ITGA9: variants seen among roughly 807,000 people sequenced by gnomAD.
The protein encoded by ITGA9 is integrin subunit alpha 9, also known as integrin alpha-9.
A neutral mutation model predicts 127.8 loss-of-function variants in ITGA9; 56 were observed. The ratio of observed to expected loss-of-function variants is 0.44; its 90% confidence interval spans 0.35 to 0.55. The LOEUF is 0.55. ITGA9 is among the 20% of genes least tolerant of loss of function. ITGA9 has a pLI of 0.00. For synonymous variants in ITGA9, 508 were observed against 514.5 expected (o/e 0.99, Z 0.17); for missense variants, 1,196 against 1,347.1 (o/e 0.89, Z 1.76).
intron 15 of ITGA9, among the ~76,000 whole-genome samples, chr3:37,569,359 A>G (rs1054809096): frequency 9.2e-5 from 14 of 152,218 alleles, no homozygotes; most frequent in African/African-American, 3.1e-4. Context: ...GGAAGCTACA[A>G]TTCAAGATGA....
intron 23 of ITGA9, 112 bp downstream of exon 23, chr3:37,750,681 A>C: frequency 1.3e-6 from 1 of 794,550 alleles, no homozygotes; most frequent in Non-Finnish European, 2.2e-6. Context: ...AATTCAACTC[A>C]TTCTACCCTT....
rs952075151 is a variant in ITGA9, at chr3:37,452,826, G to C, written c.185+267G>C. 1.3e-5 allele frequency among the ~76,000 whole-genome samples: 2 copies of C among 152,136 alleles called. No homozygotes were observed. The highest frequency in any genetic ancestry group is 2.9e-5 in the Non-Finnish European group (2 of 68,006). On this transcript the variant is annotated intron_variant, in intron 1 of 27. Coordinates refer to ENST00000264741, the MANE Select transcript of ITGA9 (RefSeq NM_002207.3). This position sits in a 1 kb window ranked among gnomAD's most constrained non-coding sequence, Gnocchi z 7.3. Reference sequence around the variant, plus strand: ...GGGGTCCCAGCCCAGAGCGTGGGGGGAGAGCCGCTAGAGTTGTCTCCTCCG... The same window carrying C: ...GGGGTCCCAGCCCAGAGCGTGGGGGCAGAGCCGCTAGAGTTGTCTCCTCCG...
chr3:37,582,514 A>G (rs1262381600), intron 15 of ITGA9, among the ~76,000 whole-genome samples: 2 of 152,224 alleles, frequency 1.3e-5, no homozygotes, highest in Admixed American at 6.5e-5. Flanking sequence ...CCTCTTAAGA[A>G]AAGGAAGGAG....
intron 18 of ITGA9, among the ~76,000 whole-genome samples, chr3:37,706,246 C>T (rs967237124): frequency 6.6e-6 from 1 of 152,106 alleles, no homozygotes; most frequent in Non-Finnish European, 1.5e-5. Context: ...ATCAATATGC[C>T]CTCTCTCTAT....
chr3:37,772,829 G>A (rs988125912), intron 23 of ITGA9, among the ~76,000 whole-genome samples: 7 of 152,114 alleles, frequency 4.6e-5, no homozygotes, highest in African/African-American at 1.2e-4. Flanking sequence ...TTCATTCACC[G>A]CAGACTCAGT....
At chr3:37,655,860 TA>T (rs992610758) in intron 17 of ITGA9, among the ~76,000 whole-genome samples, 3 of 152,232 alleles carry the variant, frequency 2.0e-5, no homozygotes, top group African/African-American at 7.2e-5. Flanking sequence ...CATCTTGAGT[TA>T]ATTTTTGTAT....
chr3:37,748,302 C>T, intron 22 of ITGA9: 1 of 540,156 alleles, frequency 1.9e-6, no homozygotes, highest in South Asian at 1.5e-5. Context: ...CTGAAAGAGT[C>T]TACGGTGTTA....
chr3:37,596,073 C>A (rs891634359), intron 15 of ITGA9, among the ~76,000 whole-genome samples: 1 of 152,202 alleles, frequency 6.6e-6, no homozygotes, highest in African/African-American at 2.4e-5. Flanking sequence ...GAAAGTTCCA[C>A]TAAAAATCAA....
intron 15 of ITGA9, among the ~76,000 whole-genome samples, chr3:37,624,849 C>G (rs182641082): frequency 6.6e-6 from 1 of 152,278 alleles, no homozygotes; most frequent in East Asian, 1.9e-4. Context: ...TCAGGTCATC[C>G]GCCTTCCTCA....
intron 18 of ITGA9, among the ~76,000 whole-genome samples, chr3:37,725,314 G>A (rs1293261325): frequency 1.3e-5 from 2 of 152,156 alleles, no homozygotes; most frequent in African/African-American, 4.8e-5. Context: ...GTATCATCAG[G>A]GCCTGAGCAA....
chr3:37,561,632 C>G (rs1699489166), intron 15 of ITGA9, among the ~76,000 whole-genome samples: 1 of 152,226 alleles, frequency 6.6e-6, no homozygotes, highest in African/African-American at 2.4e-5. Flanking sequence ...ATCTTTCCAG[C>G]ATTTCAGAAA....
At position 37,452,440 on chromosome 3, in the gene ITGA9, C is replaced by T. The variant is rs1360744994; in HGVS notation, c.66C>T (p.Val22=). The stretch of plus-strand genomic sequence containing the variant: ...GCGCGCTGCTGCTGGCGCTGGTGGT[C>T]GCGGGGATCCCCGCGGGCGCCTACA... ...RLRALLLALV[V]AGIPAGAYNL... is the part of the protein sequence containing the mutation. The change falls in exon 1 of 28, where the codon GTC becomes GTT. Residue 22 remains valine, a synonymous_variant. Coordinates refer to ENST00000264741, the MANE Select transcript of ITGA9 (RefSeq NM_002207.3). The surrounding 1 kb of genome is among the most constrained non-coding windows in gnomAD (Gnocchi z 7.3). The T allele has an allele frequency of 6.8e-6, 10 of 1,473,234 alleles. No homozygotes were observed. Among genetic ancestry groups the T allele is most frequent in the Non-Finnish European group, 9.0e-6 (10 of 1,110,830 alleles). 91.3% of individuals were successfully genotyped at this position (1,473,234 alleles called of 1,614,324 possible).
At chr3:37,709,487 G>T (rs1180203058) in intron 18 of ITGA9, among the ~76,000 whole-genome samples, 2 of 152,200 alleles carry the variant, frequency 1.3e-5, no homozygotes, top group Non-Finnish European at 2.9e-5. Context: ...AAAAATGGGG[G>T]ACTAAATAGG....
At chr3:37,685,425 A>G (rs555427375) in intron 18 of ITGA9, among the ~76,000 whole-genome samples, 1 of 152,314 alleles carries the variant, frequency 6.6e-6, no homozygotes, top group South Asian at 2.1e-4. Flanking sequence ...TCCACTTTCT[A>G]TATTCTAAAA....
chr3:37,486,994 C>A (rs1438190120), intron 4 of ITGA9, among the ~76,000 whole-genome samples: 1 of 152,108 alleles, frequency 6.6e-6, no homozygotes, highest in African/African-American at 2.4e-5. Flanking sequence ...AGATTTTTTT[C>A]CCCTTTAATG....
intron 18 of ITGA9, among the ~76,000 whole-genome samples, chr3:37,727,854 CCTT>C (rs1047206100): frequency 1.3e-5 from 2 of 152,134 alleles, no homozygotes. Flanking sequence ...AATTTTGACT[CCTT>C]CAACAGTTAA....
chr3:37,761,314 A>C (rs563516846), intron 23 of ITGA9, among the ~76,000 whole-genome samples: 1 of 152,224 alleles, frequency 6.6e-6, no homozygotes, highest in African/African-American at 2.4e-5. Flanking sequence ...TTAAAATATG[A>C]ATATCAACAA....
At chr3:37,564,977 T>C (rs2125601751) in intron 15 of ITGA9, among the ~76,000 whole-genome samples, 1 of 152,360 alleles carries the variant, frequency 6.6e-6, no homozygotes, top group Admixed American at 6.5e-5. Context: ...GATCTTGGGC[T>C]TCTGAAGTCC....
intron 1 of ITGA9, among the ~76,000 whole-genome samples, chr3:37,453,124 C>T (rs919390603): frequency 6.6e-6 from 1 of 151,138 alleles, no homozygotes; most frequent in Non-Finnish European, 1.5e-5. Flanking sequence ...CGCCCCCCCC[C>T]CCCCCCAGCT....
Sources: allele counts gnomAD v4.1 joint callset (sites outside exome capture counted in the v4.1 genomes callset), GRCh38; gene constraint gnomAD v4.1.1; non-coding constraint Gnocchi (gnomAD v3.1); transcripts MANE v1.5; gene names NCBI Gene and HGNC (gene_info 2026-07-23, HGNC 2026-07-21).